C16orf46: variants seen among roughly 807,000 people sequenced by gnomAD.
The protein encoded by C16orf46 is chromosome 16 open reading frame 46.
Under a neutral mutation model 5.5 loss-of-function variants are expected in C16orf46, and 7 were observed. That is an observed-to-expected ratio of 1.28 (90% CI 0.73 to 2.40). C16orf46 has a LOEUF of 2.40. Among genes scored for constraint, C16orf46 ranks in the 30% most tolerant of loss-of-function variants. C16orf46 has a pLI of 0.00. For synonymous variants in C16orf46, 200 were observed against 184.1 expected (o/e 1.09, Z -0.70); for missense variants, 614 against 476.0 (o/e 1.29, Z -2.70).
intron 3 of C16orf46, among the ~76,000 whole-genome samples, chr16:81,063,226 G>A (rs1230615246): frequency 5.0e-5 from 6 of 121,124 alleles, no homozygotes; most frequent in African/African-American, 1.8e-4. Context: ...CTGGGCGACA[G>A]AAAGAGACTC....
At chr16:81,065,801 T>C (rs804894) in intron 2 of C16orf46, among the ~76,000 whole-genome samples, 6 of 144,184 alleles carry the variant, frequency 4.2e-5, no homozygotes, top group Non-Finnish European at 9.0e-5. Context: ...CTTTTTCACA[T>C]AGGCTTAGTT....
chr16:81,062,082 T>G lies in C16orf46; in HGVS notation c.267A>C (p.Pro89=). Residue 89 remains proline (P), a synonymous_variant, in exon 4 of 4, where the codon CCA becomes CCC. Coordinates refer to ENST00000299578, the MANE Select transcript of C16orf46 (RefSeq NM_152337.3). ...CACCTTCCCCTACCCTCGCCTTTTT[T>G]GGTATCTTCCTCGGCCAGATGCAGG... The part of the protein sequence containing the change: ...PAACIWPRKI[P]KKARVGEGAC... The G allele has an allele frequency of 6.2e-7, 1 of 1,610,090 alleles. No individual in the cohort carries two copies. Among genetic ancestry groups the G allele is most frequent in the Middle Eastern group, 1.7e-4 (1 of 6,058 alleles).
chr16:81,076,341 C>A (rs1025227288), intron 1 of C16orf46: 1 of 152,154 alleles, frequency 6.6e-6, no homozygotes, highest in Non-Finnish European at 1.5e-5. Context: ...ACCCAACTTG[C>A]ACAATTTGTT....
chr16:81,073,812 G>A (rs942990345), intron 1 of C16orf46, among the ~76,000 whole-genome samples: 1 of 152,180 alleles, frequency 6.6e-6, no homozygotes, highest in African/African-American at 2.4e-5. Flanking sequence ...GGTTTACAGT[G>A]AGGAATTAAA....
Position 81,061,965 on chromosome 16 carries a change from G to T in C16orf46, c.384C>A (p.Ser128Arg). 6.2e-7 allele frequency: 1 copy of T among 1,614,158 alleles called. No homozygotes were observed. The highest frequency in any genetic ancestry group is 2.2e-5 in the East Asian group (1 of 44,886). ...PTEGGPEKDQ[S>R]SPSQTQAAPQ... is the part of the protein sequence containing the mutation. ...GGGCTGCCTGAGTCTGGGAGGGGCT[G>T]CTCTGATCCTTCTCTGGGCCCCCCT... Residue 128 changes from serine (S) to arginine (R), a missense_variant, in exon 4 of 4, where the codon AGC becomes AGA. Transcript: ENST00000299578.
intron 2 of C16orf46, 23 bp from the exon 3 acceptor site, chr16:81,064,016 C>T: frequency 7.9e-7 from 1 of 1,273,392 alleles, no homozygotes; most frequent in Non-Finnish European, 1.1e-6. Flanking sequence ...ATGAATGGAA[C>T]TTCGTTTTTA....
intron 1 of C16orf46, among the ~76,000 whole-genome samples, chr16:81,068,956 G>A (rs1178161620): frequency 5.9e-5 from 9 of 152,032 alleles, no homozygotes; most frequent in South Asian, 2.1e-4. Context: ...CACCCGCCTC[G>A]GCCTCCCAAA....
At chr16:81,074,869 G>A (rs56198248) in intron 1 of C16orf46, among the ~76,000 whole-genome samples, 8,732 of 151,744 alleles carry the variant, frequency 0.058, 270 homozygotes, top group Non-Finnish European at 0.075. Flanking sequence ...TCAGATCCTT[G>A]TAAAATTTCC....
intron 1 of C16orf46, among the ~76,000 whole-genome samples, chr16:81,068,411 T>G (rs1377735420): frequency 6.6e-6 from 1 of 152,106 alleles, no homozygotes; most frequent in East Asian, 1.9e-4. Flanking sequence ...TACAAATAAG[T>G]AACACTGCCC....
chr16:81,075,134 T>A (rs539296143), intron 1 of C16orf46, among the ~76,000 whole-genome samples: 4 of 152,228 alleles, frequency 2.6e-5, no homozygotes, highest in Non-Finnish European at 5.9e-5. Flanking sequence ...TTACTCCCTA[T>A]ACAATGACCT....
At chr16:81,053,995 G>T in exon 4 of C16orf46, 1 of 1,463,266 alleles carries the variant, frequency 6.8e-7, no homozygotes, top group Non-Finnish European at 9.6e-7. Context: ...TCCATGTCCT[G>T]GGTGAAATAT....
At chr16:81,056,355 A>G (rs1971294533), downstream of C16orf46, 1 of 152,146 alleles carries the variant, frequency 6.6e-6, no homozygotes, top group South Asian at 2.1e-4. Flanking sequence ...TCTTCCTGTC[A>G]CTGACTGAAT....
intron 1 of C16orf46, among the ~76,000 whole-genome samples, chr16:81,071,199 G>T (rs1375760519): frequency 6.6e-6 from 1 of 152,140 alleles, no homozygotes; most frequent in Non-Finnish European, 1.5e-5. Flanking sequence ...TGATATGACT[G>T]CTCCTCACTA....
intron 3 of C16orf46, chr16:81,055,222 G>C (rs1971260789): frequency 6.6e-6 from 1 of 152,034 alleles, no homozygotes; most frequent in Non-Finnish European, 1.5e-5. Flanking sequence ...CATGCAGATT[G>C]GAACAAATGA....
At chr16:81,059,606 T>C (rs1220761562), downstream of C16orf46, among the ~76,000 whole-genome samples, 2 of 152,112 alleles carry the variant, frequency 1.3e-5, no homozygotes, top group African/African-American at 4.8e-5. Flanking sequence ...TCATTTAATT[T>C]AGATAGAACG....
chr16:81,061,714 G>A lies in C16orf46; in HGVS notation c.635C>T (p.Pro212Leu), dbSNP rs1971483967. Residue 212 changes from proline (P) to leucine (L), a missense_variant, in exon 4 of 4, where the codon CCT (proline) becomes CTT (leucine). Pro to Leu is a moderately conservative substitution (Grantham distance 98). Coordinates refer to ENST00000299578, the MANE Select transcript of C16orf46 (RefSeq NM_152337.3). The stretch of plus-strand genomic sequence containing the variant: ...ATTTGAAAGTGAAGCCTTCAGGGGA[G>A]GCAGAACTAGGAGGGCCCTGGAAGT... The part of the protein sequence containing the change: ...PLTSRALLVL[P>L]PLKASLSNAL... 6.2e-7 allele frequency: 1 copy of A among 1,614,078 alleles called. No homozygotes were observed. Among genetic ancestry groups the A allele is most frequent in the Non-Finnish European group, 8.5e-7 (1 of 1,180,048 alleles).
intron 2 of C16orf46, among the ~76,000 whole-genome samples, chr16:81,065,206 C>A (rs886223362): frequency 6.6e-6 from 1 of 152,154 alleles, no homozygotes; most frequent in Non-Finnish European, 1.5e-5. Flanking sequence ...CATGCGATGG[C>A]TCACGCCTGT....
At chr16:81,057,223 T>C (rs1166426757), downstream of C16orf46, among the ~76,000 whole-genome samples, 1 of 152,102 alleles carries the variant, frequency 6.6e-6, no homozygotes, top group Non-Finnish European at 1.5e-5. Flanking sequence ...ACCTGGGCCA[T>C]TCAATCCTCT....
At chr16:81,075,047 A>G (rs958601869) in intron 1 of C16orf46, among the ~76,000 whole-genome samples, 1 of 152,172 alleles carries the variant, frequency 6.6e-6, no homozygotes, top group African/African-American at 2.4e-5. Flanking sequence ...AGGATGGGTA[A>G]AGGATAATGC....
Sources: gnomAD v4.1 joint callset for allele counts (sites outside exome capture counted in the v4.1 genomes callset) on GRCh38, gnomAD v4.1.1 for gene constraint, MANE v1.5 for transcripts, NCBI Gene and HGNC (gene_info 2026-07-23, HGNC 2026-07-21) for gene names.